Variants in BAG3 observed in about 807,000 individuals in gnomAD.
BAG3 encodes BAG cochaperone 3, also known as BAG family molecular chaperone regulator 3.
In BAG3, 14 loss-of-function variants were observed where a neutral mutation model predicts 40.5. The observed-to-expected ratio is 0.35, with a 90% CI of 0.23 to 0.54. The LOEUF is 0.54. Among genes scored for constraint, BAG3 ranks in the 20% least tolerant of loss-of-function variants. BAG3 has a pLI of 0.91. For synonymous variants in BAG3, 302 were observed against 307.8 expected, an observed-to-expected ratio of 0.98 and a Z score of 0.20; for missense variants, 788 against 758.6, an observed-to-expected ratio of 1.04 and a Z score of -0.46.
At chr10:119,655,516 G>T (rs1033659371) in intron 1 of BAG3, among the ~76,000 whole-genome samples, 1 of 152,202 alleles carries the variant, frequency 6.6e-6, no homozygotes, top group African/African-American at 2.4e-5. Context: ...GTTCAGCAGA[G>T]CCTCCTGAAT....
At chr10:119,675,803 TC>T (rs1173539128) in intron 3 of BAG3, among the ~76,000 whole-genome samples, 4 of 23,620 alleles carry the variant, frequency 1.7e-4, no homozygotes, top group African/African-American at 3.1e-4. Context: ...CCCTTCCCCT[TC>T]CCCCCTTCCC....
chr10:119,665,092 T>TGTG lies in BAG3; in HGVS notation c.181-4759_181-4758insGTG, dbSNP rs34372634. On this transcript the variant is annotated intron_variant, in intron 1 of 3. Coordinates refer to ENST00000369085, the MANE Select transcript of BAG3 (RefSeq NM_004281.4). ...GCCACCACACACAGCTAATTTTTGTTTGTGTGTGTGTGTGTGTGTGTGTGT... is the reference window on the plus strand; with the variant it reads ...GCCACCACACACAGCTAATTTTTGTTGTGTGTGTGTGTGTGTGTGTGTGTGTGT... Among the ~76,000 whole-genome samples the TGTG allele has an allele frequency of 4.5e-3, 394 of 87,958 alleles. 3 individuals carry two copies. The highest frequency in any genetic ancestry group is 0.012 in the African/African-American group (257 of 21,154). 57.7% of individuals were successfully genotyped at this position (87,958 alleles called of 152,430 possible).
At chr10:119,651,889 G>T (rs1345396457) in intron 1 of BAG3, 34 bp downstream of exon 1, 1 of 1,484,080 alleles carries the variant, frequency 6.7e-7, no homozygotes, top group African/African-American at 1.5e-5. Flanking sequence ...CTGGTCGGTG[G>T]CGCCACCTCG....
Position 119,670,144 on chromosome 10 carries a change from G to A in BAG3, c.474G>A (p.Ala158=), listed in dbSNP as rs976641994. Residue 158 remains alanine (A), a synonymous_variant, in exon 2 of 4, where the codon GCG becomes GCA. Transcript: ENST00000369085. ...AGTGTGGACAGGTGGCAGCGGCGGC[G>A]GCAGCCCAGCCCCCAGCCTCCCACG... ...DKQCGQVAAA[A]AAQPPASHGP... 3.1e-6 allele frequency: 5 copies of A among 1,612,058 alleles called. No homozygotes were observed. Among genetic ancestry groups the A allele is most frequent in the East Asian group, 2.2e-5 (1 of 44,854 alleles).
At chr10:119,652,960 A>G (rs1295794015) in intron 1 of BAG3, among the ~76,000 whole-genome samples, 1 of 152,278 alleles carries the variant, frequency 6.6e-6, no homozygotes, top group Non-Finnish European at 1.5e-5. Flanking sequence ...TTATACTTAA[A>G]GCTGAATTGT....
intron 1 of BAG3, among the ~76,000 whole-genome samples, chr10:119,664,568 G>T (rs937201713): frequency 6.6e-6 from 1 of 152,136 alleles, no homozygotes; most frequent in African/African-American, 2.4e-5. Context: ...GCAGTCATCT[G>T]CTTGGTCACC....
chr10:119,676,200 A>G (rs532703158), intron 3 of BAG3, among the ~76,000 whole-genome samples: 35 of 152,038 alleles, frequency 2.3e-4, no homozygotes, highest in Non-Finnish European at 4.4e-4. Flanking sequence ...TAAGAATACC[A>G]TCTACAGAGA....
chr10:119,654,972 C>G (rs1457185266), intron 1 of BAG3, among the ~76,000 whole-genome samples: 3 of 152,222 alleles, frequency 2.0e-5, no homozygotes, highest in Non-Finnish European at 4.4e-5. Context: ...CTCCCTGCCC[C>G]AACCCCATGT....
intron 1 of BAG3, among the ~76,000 whole-genome samples, chr10:119,667,747 AG>A (rs892464623): frequency 6.6e-6 from 1 of 152,094 alleles, no homozygotes; most frequent in African/African-American, 2.4e-5. Flanking sequence ...GTGGTGGATG[AG>A]GGTTTGCTCA....
intron 1 of BAG3, among the ~76,000 whole-genome samples, chr10:119,660,728 T>G (rs1465308979): frequency 6.6e-6 from 1 of 152,152 alleles, no homozygotes; most frequent in African/African-American, 2.4e-5. Flanking sequence ...AATTAGGCTT[T>G]GTAAACGGTA....
intron 1 of BAG3, among the ~76,000 whole-genome samples, chr10:119,653,454 T>C (rs1470549373): frequency 6.6e-6 from 1 of 152,198 alleles, no homozygotes; most frequent in Non-Finnish European, 1.5e-5. Flanking sequence ...AAGATCAAGT[T>C]TGAACATAAA....
At chr10:119,667,069 G>A (rs915456799) in intron 1 of BAG3, among the ~76,000 whole-genome samples, 2 of 151,940 alleles carry the variant, frequency 1.3e-5, no homozygotes, top group African/African-American at 4.8e-5. Context: ...CTCTGCCTCC[G>A]GGGTTCAGGT....
Position 119,669,848 on chromosome 10 carries a change from C to G in BAG3, c.181-3C>G, listed in dbSNP as rs1187689183. The G allele has an allele frequency of 6.2e-7, 1 of 1,613,976 alleles. No individual in the cohort carries two copies. The highest frequency in any genetic ancestry group is 1.7e-5 in the Admixed American group (1 of 60,020). Reference sequence around the variant, plus strand: ...GCCTGTGTTTCTCCACTTTTTATTTCAGGAGACTCCATCCTCTGCCAATGG... The same window carrying G: ...GCCTGTGTTTCTCCACTTTTTATTTGAGGAGACTCCATCCTCTGCCAATGG... On this transcript the variant is annotated splice_region_variant and splice_polypyrimidine_tract_variant and intron_variant, in intron 1 of 3. Transcript: ENST00000369085.
At chr10:119,667,322 C>A (rs1847080972) in intron 1 of BAG3, among the ~76,000 whole-genome samples, 1 of 152,192 alleles carries the variant, frequency 6.6e-6, no homozygotes, top group African/African-American at 2.4e-5. Context: ...GTCTGAAAAG[C>A]ATAATTTTGT....
rs376693112 is a variant in BAG3 at position 119,674,516 on chromosome 10, T to G, written c.909+1860T>G. On this transcript the variant is annotated intron_variant, in intron 3 of 3. Transcript: ENST00000369085. ...GATTCAAAGTTCCCTTTTGGGAGGC[T>G]TTCCAGGATTTCACCAAACTGAACG... Among the ~76,000 whole-genome samples the G allele has an allele frequency of 2.6e-5, 4 of 152,244 alleles. No homozygotes were observed. In the South Asian group the frequency reaches 6.2e-4, roughly 24 times the overall value.
chr10:119,676,435 A>G, intron 3 of BAG3, 29 bp from the exon 4 acceptor site: 2 of 1,608,008 alleles, frequency 1.2e-6, no homozygotes, highest in Non-Finnish European at 1.7e-6. Flanking sequence ...GTCAGTTATT[A>G]AAAATATATT....
chr10:119,658,092 T>G (rs1373228025), intron 1 of BAG3, among the ~76,000 whole-genome samples: 2 of 152,250 alleles, frequency 1.3e-5, no homozygotes, highest in Non-Finnish European at 1.5e-5. Flanking sequence ...GAACAAACGT[T>G]TGCTGTTTTA....
chr10:119,651,747 C>T lies in BAG3; in HGVS notation c.72C>T (p.Pro24=), dbSNP rs964684316. 6.3e-7 allele frequency: 1 copy of T among 1,599,836 alleles called. No individual in the cohort carries two copies. Among genetic ancestry groups the T allele is most frequent in the Admixed American group, 1.7e-5 (1 of 58,240 alleles). Residue 24 remains proline, a synonymous_variant, in exon 1 of 4, where the codon CCC becomes CCT. Coordinates refer to ENST00000369085, the MANE Select transcript of BAG3 (RefSeq NM_004281.4). ...ACGGTGACCGCGACCCTTTGCCCCC[C>T]GGATGGGAGATCAAGATCGACCCGC... ...SGNGDRDPLP[P]GWEIKIDPQT...
At chr10:119,665,205 C>T (rs1435510336) in intron 1 of BAG3, among the ~76,000 whole-genome samples, 3 of 139,732 alleles carry the variant, frequency 2.1e-5, no homozygotes, top group Non-Finnish European at 4.6e-5. Flanking sequence ...GGTGCGATCT[C>T]GGCTCACTGC....
Sources: gnomAD v4.1 joint callset for allele counts (sites outside exome capture counted in the v4.1 genomes callset) on GRCh38, gnomAD v4.1.1 for gene constraint, MANE v1.5 for transcripts, NCBI Gene and HGNC (gene_info 2026-07-23, HGNC 2026-07-21) for gene names.